The following ITGAM variants were observed in gnomAD, a reference collection of about 807,000 sequenced individuals.
The protein encoded by ITGAM is integrin alpha-M.
ITGAM carries 79 observed loss-of-function variants against 137.5 expected under a neutral mutation model. That is an observed-to-expected ratio of 0.57 (90% CI 0.48 to 0.69). The LOEUF is 0.69. ITGAM is among the 30% of genes least tolerant of loss of function. ITGAM has a pLI of 0.00. For missense variants in ITGAM, 1,343 were observed against 1,483.5 expected (o/e 0.91, Z 1.56); for synonymous variants, 583 against 592.3 (o/e 0.98, Z 0.23).
intron 7 of ITGAM, among the ~76,000 whole-genome samples, 193 bp from the exon 8 acceptor site, chr16:31,273,172 T>C (rs1260698255): frequency 6.6e-6 from 1 of 152,014 alleles, no homozygotes; most frequent in Non-Finnish European, 1.5e-5. Context: ...GGTACATGCC[T>C]GTAGTCCCAG....
At chr16:31,290,045 C>A (rs147743705) in intron 12 of ITGAM, among the ~76,000 whole-genome samples, 126 of 144,330 alleles carry the variant, frequency 8.7e-4, no homozygotes, top group African/African-American at 3.0e-3. Context: ...CATGCCATTG[C>A]ACTCCAGCCT....
chr16:31,315,123 A>G (rs768845860), intron 14 of ITGAM, among the ~76,000 whole-genome samples: 3 of 151,908 alleles, frequency 2.0e-5, no homozygotes, highest in Non-Finnish European at 4.4e-5. Context: ...CTCTTTGCCC[A>G]TTTTTAAATT....
intron 14 of ITGAM, among the ~76,000 whole-genome samples, chr16:31,308,765 T>C (rs1319461848): frequency 6.6e-6 from 1 of 152,228 alleles, no homozygotes; most frequent in Non-Finnish European, 1.5e-5. Context: ...TTTAGATCTT[T>C]CCTGCTTTCT....
chr16:31,328,899 CAT>C (rs781298828), intron 23 of ITGAM: 53 of 431,792 alleles, frequency 1.2e-4, no homozygotes, highest in Middle Eastern at 7.1e-4. Context: ...TGTATTCGTG[CAT>C]GTGTGTGTGT....
chr16:31,270,130 C>CTCCTTTCCTT lies in ITGAM; in HGVS notation c.428-818_428-817insCCTTTCCTTT, dbSNP rs2079813659. On this transcript the variant is annotated intron_variant, in intron 5 of 29. Coordinates refer to ENST00000544665, the MANE Select transcript of ITGAM (RefSeq NM_000632.4). ...CCTTCCTTCCTTCCTTCCTTCCTTC[C>CTCCTTTCCTT]TCCTTTGCTTTCCTTTCCTTTCCTT... Among the ~76,000 whole-genome samples the CTCCTTTCCTT allele has an allele frequency of 3.3e-5, 3 of 90,748 alleles. No individual in the cohort carries two copies. The Admixed American group carries it at 3.7e-4, about 11-fold the overall frequency. The allele number at this position is 90,748 out of a possible 152,430, so 59.5% of individuals were successfully genotyped here.
chr16:31,320,438 T>C (rs2080437126), intron 14 of ITGAM, among the ~76,000 whole-genome samples: 1 of 152,250 alleles, frequency 6.6e-6, no homozygotes, highest in African/African-American at 2.4e-5. Context: ...TTAAAATTTA[T>C]TATTTGGCTG....
At chr16:31,282,214 T>C (rs192257027) in intron 12 of ITGAM, among the ~76,000 whole-genome samples, 302 of 152,024 alleles carry the variant, frequency 2.0e-3, no homozygotes, top group Middle Eastern at 6.8e-3. Context: ...GGGTGGAGAG[T>C]TTTGTAGATG....
chr16:31,275,459 A>G, intron 8 of ITGAM, 90 bp from the exon 9 acceptor site: 1 of 1,338,812 alleles, frequency 7.5e-7, no homozygotes, highest in Non-Finnish European at 1.1e-6. Context: ...TTGATAAATA[A>G]TGGTTCAGAC....
chr16:31,275,816 C>T, intron 9 of ITGAM, 117 bp downstream of exon 9: 1 of 924,620 alleles, frequency 1.1e-6, no homozygotes, highest in African/African-American at 1.7e-5. Flanking sequence ...CATCAACTCT[C>T]TCCACTTCCT....
At chr16:31,292,364 GGTATTAAGCCTA>G (rs1466899882) in intron 12 of ITGAM, among the ~76,000 whole-genome samples, 1 of 149,782 alleles carries the variant, frequency 6.7e-6, no homozygotes, top group East Asian at 1.9e-4. Context: ...TTGTCACCCA[GGTATTAAGCCTA>G]GTATCCAATG....
chr16:31,274,041 G>A (rs561909702), intron 8 of ITGAM, among the ~76,000 whole-genome samples: 7 of 152,286 alleles, frequency 4.6e-5, no homozygotes, highest in Non-Finnish European at 5.9e-5. Context: ...TGGGTGTCAC[G>A]AGCAGTGCAA....
intron 12 of ITGAM, among the ~76,000 whole-genome samples, chr16:31,295,766 G>A (rs1266673398): frequency 1.3e-5 from 2 of 151,934 alleles, no homozygotes; most frequent in African/African-American, 2.4e-5. Context: ...TTACATAGAA[G>A]TAGTGAGAGT....
chr16:31,296,200 G>A (rs1293717279), intron 12 of ITGAM, among the ~76,000 whole-genome samples: 1 of 149,888 alleles, frequency 6.7e-6, no homozygotes, highest in Non-Finnish European at 1.5e-5. Context: ...CACCTCCCAG[G>A]TTCACGCCAT....
intron 22 of ITGAM, 167 bp from the exon 23 acceptor site, chr16:31,327,980 G>C: frequency 1.6e-6 from 1 of 615,854 alleles, no homozygotes; most frequent in Non-Finnish European, 2.9e-6. Context: ...AGCTGGAGAG[G>C]GATGGGCCTG....
chr16:31,270,718 TATATATATATATATATATATATATA>T (rs1280786585), intron 5 of ITGAM, among the ~76,000 whole-genome samples: 4 of 104,086 alleles, frequency 3.8e-5, no homozygotes, highest in Admixed American at 9.1e-5. Flanking sequence ...TATATATATA[TATATATATATATATATATATATATA>T]TGTTTTTAAC....
At chr16:31,279,847 C>T (rs1489650477) in intron 12 of ITGAM, among the ~76,000 whole-genome samples, 5 of 151,996 alleles carry the variant, frequency 3.3e-5, no homozygotes, top group Admixed American at 6.6e-5. Flanking sequence ...GCCTAGGTTT[C>T]CTTCTAGGGT....
Position 31,332,314 on chromosome 16 carries a change from C to T in ITGAM, c.*607C>T, listed in dbSNP as rs2080598939. On this transcript the variant is annotated 3_prime_UTR_variant, in exon 30 of 30. Transcript: ENST00000544665. ...GCTTGGATGGAGACTCCATGAGAAG[C>T]CGTGGGTGGAACCAGGAACCTCCTC... 6.6e-6 allele frequency: 1 copy of T among 152,312 alleles called. No homozygotes were observed. The highest frequency in any genetic ancestry group is 6.5e-5 in the Admixed American group (1 of 15,286). 9.4% of individuals were successfully genotyped at this position (152,312 alleles called of 1,614,324 possible).
Position 31,329,280 on chromosome 16 carries a change from C to A in ITGAM, c.2845C>A (p.Arg949=). The change falls in exon 24 of 30, where the codon CGG becomes AGG. Residue 949 remains arginine, a synonymous_variant. Transcript: ENST00000544665. ...LNFTASENTS[R]VMQHQYQVSN... is the part of the protein sequence containing the mutation. ...CTTCACGGCCTCAGAGAATACCAGT[C>A]GGGTCATGCAGCATCAATATCAGGT... 3 of 1,612,546 alleles carry A rather than the reference C, an allele frequency of 1.9e-6. No homozygotes were observed. Among genetic ancestry groups the A allele is most frequent in the Non-Finnish European group, 2.5e-6 (3 of 1,178,864 alleles).
chr16:31,328,966 G>A, intron 23 of ITGAM: 1 of 570,646 alleles, frequency 1.8e-6, no homozygotes, highest in Non-Finnish European at 3.1e-6. Flanking sequence ...GCGTGTGTGT[G>A]TCTGAGGGTC....
Sources: gnomAD v4.1 joint callset for allele counts (sites outside exome capture counted in the v4.1 genomes callset) on GRCh38, gnomAD v4.1.1 for gene constraint, MANE v1.5 for transcripts, NCBI Gene and HGNC (gene_info 2026-07-23, HGNC 2026-07-21) for gene names.